Variants in CCDC73 observed in about 807,000 individuals in gnomAD.
CCDC73 encodes the protein coiled-coil domain-containing protein 73.
CCDC73 carries 95 observed loss-of-function variants against 116.5 expected under a neutral mutation model. The observed-to-expected ratio is 0.82, with a 90% CI of 0.69 to 0.97. The LOEUF (loss-of-function observed/expected upper bound fraction) is 0.97. Ranked by LOEUF, CCDC73 falls within the 50% of genes least tolerant of loss-of-function variation. The pLI, the probability that CCDC73 is intolerant of heterozygous loss-of-function variation, is 0.00. For synonymous variants in CCDC73, 398 were observed against 401.3 expected (o/e 0.99, Z 0.10); for missense variants, 1,066 against 1,206.8 (o/e 0.88, Z 1.73).
intron 7 of CCDC73, chr11:32,683,088 G>T: frequency 5.8e-6 from 1 of 172,054 alleles, no homozygotes; most frequent in Non-Finnish European, 1.2e-5. Context: ...TAAACATATA[G>T]GTTGAATATC....
chr11:32,737,711 C>T (rs10835964), intron 2 of CCDC73, among the ~76,000 whole-genome samples: 89,624 of 151,826 alleles, frequency 0.59, 26,751 homozygotes, highest in East Asian at 0.84. Flanking sequence ...TTAATACTCT[C>T]AGTTATCTTT....
intron 17 of CCDC73, 24 bp from the exon 18 acceptor site, chr11:32,603,044 C>A (rs1590534338): frequency 6.5e-7 from 1 of 1,541,308 alleles, no homozygotes. Flanking sequence ...ACTAATTTTA[C>A]CTTCGAAATT....
rs1419960758 is a variant in CCDC73, at chr11:32,760,195, T to C, written c.49A>G (p.Ser17Gly). The C allele has an allele frequency of 6.3e-7, 1 of 1,593,692 alleles. No homozygotes were observed. The highest frequency in any genetic ancestry group is 2.2e-5 in the East Asian group (1 of 44,632). Residue 17 changes from serine (S) to glycine (G), a missense_variant, in exon 2 of 18, where the codon AGT becomes GGT. Coordinates refer to ENST00000335185, the MANE Select transcript of CCDC73 (RefSeq NM_001008391.4). ...ATAGAAAACAATGTCTCTGAAGAAC[T>C]TTGAAGAGTAAAAGTAGATGATGAC... The part of the protein sequence containing the change: ...TESSSTFTLQ[S>G]SSETLFSIQL...
At chr11:32,699,449 T>C (rs529137826) in intron 5 of CCDC73, 124 bp from the exon 6 acceptor site, 144 of 1,171,668 alleles carry the variant, frequency 1.2e-4, no homozygotes, top group Non-Finnish European at 1.6e-4. Flanking sequence ...ATGTAAATAA[T>C]AATACAAAGG....
intron 8 of CCDC73, 61 bp downstream of exon 8, chr11:32,675,825 T>TA: frequency 1.4e-6 from 2 of 1,389,342 alleles, no homozygotes; most frequent in South Asian, 2.7e-5. Context: ...GTATTCATAG[T>TA]AAATAAGTCC....
At chr11:32,615,161 A>G (rs1364640205) in intron 15 of CCDC73, among the ~76,000 whole-genome samples, 2 of 152,116 alleles carry the variant, frequency 1.3e-5, no homozygotes, top group Non-Finnish European at 2.9e-5. Flanking sequence ...CTTTACCCAT[A>G]TTAAACTTTA....
At position 32,749,877 on chromosome 11, in the gene CCDC73, C is replaced by T. The variant is rs12292182; in HGVS notation, c.135+10232G>A. On this transcript the variant is annotated intron_variant, in intron 2 of 17. Coordinates refer to ENST00000335185, the MANE Select transcript of CCDC73 (RefSeq NM_001008391.4). ...TCTCTCCTCTTACTTTTTTTTTTTT[C>T]TTTTTTTTTTTGAGACGGAGTCTTG... Among the ~76,000 whole-genome samples, 320 of 140,156 alleles carry T rather than the reference C, an allele frequency of 2.3e-3. 2 individuals are homozygous for T. In the East Asian group the frequency reaches 0.026, roughly 12 times the overall value. The allele number at this position is 140,156 out of a possible 152,430, so 91.9% of individuals were successfully genotyped here. A position where few individuals can be genotyped will look rare whatever the true frequency, so the allele number is the denominator to read the frequency against.
intron 12 of CCDC73, among the ~76,000 whole-genome samples, chr11:32,645,607 A>G (rs1383672234): frequency 6.6e-6 from 1 of 151,990 alleles, no homozygotes; most frequent in African/African-American, 2.4e-5. Context: ...TTTTTAATAA[A>G]TAGGAGGAGT....
chr11:32,705,118 C>T (rs12363452), intron 3 of CCDC73, among the ~76,000 whole-genome samples: 41,323 of 152,178 alleles, frequency 0.27, 5,931 homozygotes, highest in South Asian at 0.35. Context: ...GTGGCCGCAC[C>T]ATTCAACGGG....
intron 6 of CCDC73, among the ~76,000 whole-genome samples, chr11:32,692,589 T>A (rs1283119579): frequency 2.0e-5 from 3 of 152,188 alleles, no homozygotes; most frequent in African/African-American, 7.2e-5. Flanking sequence ...AGATCATCTA[T>A]CCCATTACTC....
chr11:32,699,201 T>G (rs1849787121), intron 6 of CCDC73, 50 bp downstream of exon 6: 1 of 1,515,566 alleles, frequency 6.6e-7, no homozygotes, highest in Non-Finnish European at 8.9e-7. Flanking sequence ...TTTACTGATA[T>G]AATGCTAAAA....
chr11:32,792,455 C>A (rs12278625), intron 1 of CCDC73, among the ~76,000 whole-genome samples: 1,821 of 152,216 alleles, frequency 0.012, 36 homozygotes, highest in African/African-American at 0.042. Flanking sequence ...TTAGGTTAAA[C>A]AAGTTCCTTC....
At chr11:32,692,437 G>T (rs529741232) in intron 6 of CCDC73, among the ~76,000 whole-genome samples, 18 of 151,922 alleles carry the variant, frequency 1.2e-4, no homozygotes, top group Non-Finnish European at 2.5e-4. Context: ...ATAAAATTAG[G>T]CTTCAAAACT....
Position 32,614,515 on chromosome 11 carries a change from G to C in CCDC73, c.1803C>G (p.Phe601Leu). The C allele has an allele frequency of 6.2e-7, 1 of 1,613,168 alleles. No individual in the cohort carries two copies. Among genetic ancestry groups the C allele is most frequent in the Non-Finnish European group, 8.5e-7 (1 of 1,179,460 alleles). Reference protein sequence around the residue: ...NNKDVSENEPFKQFRLLPGTR... With the variant: ...NNKDVSENEPLKQFRLLPGTR... ...TCCCTGGAAGCAATCTGAATTGTTT[G>C]AATGGCTCATTTTCAGAAACATCTT... The change falls in exon 16 of 18, where the codon TTC becomes TTG. Residue 601 changes from phenylalanine (F) to leucine (L), a missense_variant. Transcript: ENST00000335185.
intron 6 of CCDC73, among the ~76,000 whole-genome samples, chr11:32,690,727 C>G (rs1390702577): frequency 6.6e-6 from 1 of 152,130 alleles, no homozygotes; most frequent in East Asian, 1.9e-4. Flanking sequence ...GTCAAGCTTC[C>G]TATACAGCCT....
chr11:32,811,030 A>G, the CCDC73 span, among the ~76,000 whole-genome samples: 1 of 151,176 alleles, frequency 6.6e-6, no homozygotes. Flanking sequence ...TCCCAGCTAC[A>G]TGGGACAGTG....
At chr11:32,606,341 G>T (rs1173308041) in intron 17 of CCDC73, 1 of 152,168 alleles carries the variant, frequency 6.6e-6, no homozygotes, top group Non-Finnish European at 1.5e-5. Flanking sequence ...TTTCAGCTTT[G>T]TGGGCCAAAT....
chr11:32,702,791 A>T, intron 4 of CCDC73, 82 bp downstream of exon 4: 3 of 949,358 alleles, frequency 3.2e-6, no homozygotes, highest in Non-Finnish European at 5.2e-6. Flanking sequence ...GACTATGGAG[A>T]ACAGCTTGCC....
the CCDC73 span, among the ~76,000 whole-genome samples, chr11:32,815,130 T>C: frequency 2.0e-5 from 3 of 152,164 alleles, no homozygotes; most frequent in African/African-American, 7.2e-5. Flanking sequence ...TACCACCTTA[T>C]GAAAATACTA....
Sources: gnomAD v4.1 joint callset for allele counts (sites outside exome capture counted in the v4.1 genomes callset) on GRCh38, gnomAD v4.1.1 for gene constraint, MANE v1.5 for transcripts, NCBI Gene and HGNC (gene_info 2026-07-23, HGNC 2026-07-21) for gene names.